The following CMC1 variants were observed in gnomAD, a reference collection of about 807,000 sequenced individuals.
CMC1 encodes COX assembly mitochondrial protein homolog.
CMC1 carries 14 observed loss-of-function variants against 14.1 expected under a neutral mutation model. That is an observed-to-expected ratio of 0.99 (90% confidence interval 0.66 to 1.55). The LOEUF (loss-of-function observed/expected upper bound fraction) is 1.55, where lower values mean the gene tolerates loss of function less well. CMC1 is among the 40% of genes most tolerant of loss of function. The pLI is 0.00. For synonymous variants in CMC1, 50 were observed against 38.4 expected (o/e 1.30, Z -1.12); for missense variants, 127 against 123.8 (o/e 1.03, Z -0.12).
At chr3:28,257,299 T>C (rs1418473805) in intron 1 of CMC1, among the ~76,000 whole-genome samples, 1 of 152,216 alleles carries the variant, frequency 6.6e-6, no homozygotes, top group Non-Finnish European at 1.5e-5. Flanking sequence ...TTTATCACCA[T>C]AGATTAACTT....
At chr3:28,260,387 T>C (rs1576995198) in intron 1 of CMC1, among the ~76,000 whole-genome samples, 1 of 152,140 alleles carries the variant, frequency 6.6e-6, no homozygotes, top group East Asian at 1.9e-4. Context: ...AAGGAATTTA[T>C]TCATTTCATT....
At chr3:28,297,964 G>T (rs1701829818) in intron 2 of CMC1, among the ~76,000 whole-genome samples, 1 of 151,782 alleles carries the variant, frequency 6.6e-6, no homozygotes, top group Non-Finnish European at 1.5e-5. Flanking sequence ...ATATTTCTCT[G>T]AAACTGTGCT....
At chr3:28,293,934 G>A (rs1181594438) in intron 2 of CMC1, among the ~76,000 whole-genome samples, 9 of 152,002 alleles carry the variant, frequency 5.9e-5, no homozygotes, top group Non-Finnish European at 1.3e-4. Context: ...TAAAATCTTT[G>A]TTAACTGTCT....
rs2125626618 is a variant in CMC1, at chr3:28,321,690, T to C, written c.*2061T>C. The C allele has an allele frequency of 1.3e-5, 2 of 151,496 alleles. No individual in the cohort carries two copies. The highest frequency in any genetic ancestry group is 1.3e-4 in the Admixed American group (2 of 15,140). 9.4% of individuals were successfully genotyped at this position (151,496 alleles called of 1,614,324 possible). On this transcript the variant is annotated 3_prime_UTR_variant, in exon 4 of 4. Transcript: ENST00000466830. ...GATCAGTACTTTGTTGTCACATGATTCAGCTCTTCAAGTCTGAATTTTCCC... is the reference window on the plus strand; with the variant it reads ...GATCAGTACTTTGTTGTCACATGATCCAGCTCTTCAAGTCTGAATTTTCCC...
chr3:28,289,929 A>G (rs914490970), intron 2 of CMC1, among the ~76,000 whole-genome samples: 1 of 152,154 alleles, frequency 6.6e-6, no homozygotes, highest in East Asian at 1.9e-4. Context: ...CTACTTTTTT[A>G]GTGGAATTTA....
At chr3:28,244,703 G>C (rs1279934095) in intron 1 of CMC1, among the ~76,000 whole-genome samples, 3 of 151,770 alleles carry the variant, frequency 2.0e-5, no homozygotes, top group South Asian at 4.2e-4. Flanking sequence ...TCCAGCTTGG[G>C]CCACAGAGTG....
intron 1 of CMC1, among the ~76,000 whole-genome samples, chr3:28,253,444 G>A (rs1466869949): frequency 6.6e-6 from 1 of 152,120 alleles, no homozygotes; most frequent in Non-Finnish European, 1.5e-5. Flanking sequence ...AGCTTGATGT[G>A]GTGGTGTGTG....
intron 2 of CMC1, among the ~76,000 whole-genome samples, chr3:28,267,862 G>A (rs1403611580): frequency 6.6e-6 from 1 of 152,140 alleles, no homozygotes; most frequent in Non-Finnish European, 1.5e-5. Context: ...CTATATACAT[G>A]GTCAAAGTAA....
intron 2 of CMC1, among the ~76,000 whole-genome samples, chr3:28,314,012 G>A (rs1702767785): frequency 6.6e-6 from 1 of 152,180 alleles, no homozygotes; most frequent in African/African-American, 2.4e-5. Context: ...ATAGTAAGGT[G>A]ACAGTAAAGG....
chr3:28,285,976 A>G (rs1269782280), intron 2 of CMC1, among the ~76,000 whole-genome samples: 5 of 152,130 alleles, frequency 3.3e-5, no homozygotes, highest in African/African-American at 1.2e-4. Flanking sequence ...TGTGTTAGCC[A>G]GAATGGCCTT....
At chr3:28,306,904 C>T (rs1702346630) in intron 2 of CMC1, among the ~76,000 whole-genome samples, 1 of 152,136 alleles carries the variant, frequency 6.6e-6, no homozygotes, top group Non-Finnish European at 1.5e-5. Context: ...CCTCGGCCTC[C>T]CAGAGTGCTG....
chr3:28,281,322 A>T (rs1390149953), intron 2 of CMC1, among the ~76,000 whole-genome samples: 1 of 152,180 alleles, frequency 6.6e-6, no homozygotes, highest in Non-Finnish European at 1.5e-5. Context: ...GTTAACAGGT[A>T]TTATTTCTAA....
intron 2 of CMC1, among the ~76,000 whole-genome samples, chr3:28,281,943 G>A (rs1418750494): frequency 1.3e-5 from 2 of 152,208 alleles, no homozygotes; most frequent in Non-Finnish European, 2.9e-5. Context: ...TGCATTAGGG[G>A]ATTAATGATG....
At chr3:28,302,907 C>A (rs900642349) in intron 2 of CMC1, among the ~76,000 whole-genome samples, 1 of 152,094 alleles carries the variant, frequency 6.6e-6, no homozygotes, top group East Asian at 1.9e-4. Flanking sequence ...TTCTGCCAAG[C>A]GTAGGAGTTT....
chr3:28,273,216 G>A (rs1700388214), intron 2 of CMC1, among the ~76,000 whole-genome samples: 1 of 152,030 alleles, frequency 6.6e-6, no homozygotes, highest in Admixed American at 6.5e-5. Flanking sequence ...ATTGTTTTTT[G>A]TTGTGAGCAC....
chr3:28,303,330 T>G (rs1288979720), intron 2 of CMC1, among the ~76,000 whole-genome samples: 1 of 152,176 alleles, frequency 6.6e-6, no homozygotes, highest in African/African-American at 2.4e-5. Context: ...TTCAACATTA[T>G]TAATGTATTC....
At chr3:28,312,459 G>GC (rs1702683368) in intron 2 of CMC1, among the ~76,000 whole-genome samples, 1 of 152,150 alleles carries the variant, frequency 6.6e-6, no homozygotes, top group African/African-American at 2.4e-5. Flanking sequence ...TAATGATGTT[G>GC]CTTGAAACTG....
intron 2 of CMC1, among the ~76,000 whole-genome samples, chr3:28,282,039 A>G (rs1700923568): frequency 6.6e-6 from 1 of 152,236 alleles, no homozygotes; most frequent in Admixed American, 6.5e-5. Flanking sequence ...GGTTAAAAAA[A>G]ATCAGAAGAA....
intron 2 of CMC1, among the ~76,000 whole-genome samples, chr3:28,275,341 C>CTT (rs71087681): frequency 7.7e-4 from 78 of 101,082 alleles, no homozygotes; most frequent in African/African-American, 2.2e-3. Context: ...TTTTTTTTTT[C>CTT]TTTTTTTTTT....
Sources: gnomAD v4.1 joint callset for allele counts (sites outside exome capture counted in the v4.1 genomes callset) on GRCh38, gnomAD v4.1.1 for gene constraint, MANE v1.5 for transcripts, NCBI Gene and HGNC (gene_info 2026-07-23, HGNC 2026-07-21) for gene names.